Variants in NAV3 observed in about 807,000 individuals in gnomAD.
NAV3 encodes the protein neuron navigator 3, also known as pore membrane and/or filament interacting like protein 1.
In NAV3, 87 loss-of-function variants were observed where a neutral mutation model predicts 244.7. That is an observed-to-expected ratio of 0.36 (90% confidence interval 0.30 to 0.42). The LOEUF (loss-of-function observed/expected upper bound fraction) is 0.42. NAV3 is among the 20% of genes least tolerant of loss of function. The pLI, the probability that NAV3 is intolerant of heterozygous loss-of-function variation, is 1.00. For synonymous variants in NAV3, 1,126 were observed against 1,042.2 expected, an observed-to-expected ratio of 1.08 and a Z score of -1.55; for missense variants, 2,663 against 2,893.3, an observed-to-expected ratio of 0.92 and a Z score of 1.83.
intron 2 of NAV3, among the ~76,000 whole-genome samples, chr12:77,583,613 A>C (rs1241075395): frequency 6.6e-6 from 1 of 152,198 alleles, no homozygotes; most frequent in Non-Finnish European, 1.5e-5. Context: ...CGAAGCACTT[A>C]CCATTTTATG....
In NAV3 at chr12:77,967,677, AT is replaced by A. The variant is rs1313513488; in HGVS notation, c.488-835del. Among the ~76,000 whole-genome samples, 3 of 151,958 alleles carry A rather than the reference AT, an allele frequency of 2.0e-5. No individual in the cohort carries two copies. In the East Asian group the frequency reaches 5.8e-4, roughly 29 times the overall value. On this transcript the variant is annotated intron_variant, in intron 4 of 39. Transcript: ENST00000397909. ...AAGCTTTACATCCTTCTCTTTTCCTATTTTTTTAAGTTATAACTACAGGAGA... is the reference window on the plus strand; with the variant it reads ...AAGCTTTACATCCTTCTCTTTTCCTATTTTTTAAGTTATAACTACAGGAGA...
At chr12:77,937,341 A>G (rs1889418787) in intron 1 of NAV3, among the ~76,000 whole-genome samples, 1 of 152,212 alleles carries the variant, frequency 6.6e-6, no homozygotes, top group Admixed American at 6.5e-5. Flanking sequence ...GGTATTACCA[A>G]CAAGGTATCT....
intron 1 of NAV3, among the ~76,000 whole-genome samples, chr12:77,864,273 C>T (rs1282341319): frequency 6.6e-6 from 1 of 151,854 alleles, no homozygotes; most frequent in Non-Finnish European, 1.5e-5. Context: ...ATCTTCTCAG[C>T]AGTAGGGCCC....
intron 12 of NAV3, among the ~76,000 whole-genome samples, chr12:78,091,122 T>A (rs1429890184): frequency 1.3e-5 from 2 of 152,148 alleles, no homozygotes; most frequent in African/African-American, 4.8e-5. Context: ...TAGACCTGAT[T>A]GCTAACCTAG....
At chr12:78,177,337 G>T (rs1475932572) in intron 27 of NAV3, 24 bp downstream of exon 27, 17 of 1,593,190 alleles carry the variant, frequency 1.1e-5, no homozygotes, top group Non-Finnish European at 1.4e-5. Flanking sequence ...TCTGCAAAAT[G>T]CAGACATATT....
At chr12:78,080,910 A>T (rs758783854) in intron 12 of NAV3, among the ~76,000 whole-genome samples, 17 of 152,218 alleles carry the variant, frequency 1.1e-4, no homozygotes, top group Non-Finnish European at 2.4e-4. Flanking sequence ...TGCATTTGAT[A>T]ATAACAAGTA....
At chr12:77,963,711 C>A (rs1318817570) in intron 3 of NAV3, among the ~76,000 whole-genome samples, 1 of 152,150 alleles carries the variant, frequency 6.6e-6, no homozygotes, top group African/African-American at 2.4e-5. Context: ...TCTTAAATTG[C>A]TGGTCCTCAT....
intron 2 of NAV3, among the ~76,000 whole-genome samples, chr12:77,796,608 T>C (rs1323307479): frequency 6.6e-6 from 1 of 152,196 alleles, no homozygotes; most frequent in Non-Finnish European, 1.5e-5. Context: ...TCAATTAGCA[T>C]TGCATGCTAC....
intron 1 of NAV3, among the ~76,000 whole-genome samples, chr12:77,903,168 C>A (rs1166926489): frequency 6.6e-6 from 1 of 152,006 alleles, no homozygotes; most frequent in African/African-American, 2.4e-5. Context: ...GGAACCAAAA[C>A]AGAGCCCGCA....
chr12:77,925,391 C>T (rs544094770), intron 1 of NAV3, among the ~76,000 whole-genome samples: 7 of 152,228 alleles, frequency 4.6e-5, no homozygotes, highest in African/African-American at 1.7e-4. Flanking sequence ...GAGCAGTCTG[C>T]ATGTTTTCTG....
intron 2 of NAV3, among the ~76,000 whole-genome samples, chr12:77,820,807 T>TG (rs1872709382): frequency 6.6e-6 from 1 of 152,212 alleles, no homozygotes; most frequent in Middle Eastern, 3.2e-3. Context: ...TTTATGTTGC[T>TG]GCCTTTTTAA....
chr12:78,134,853 A>C (rs1210699104), intron 18 of NAV3, among the ~76,000 whole-genome samples: 1 of 152,210 alleles, frequency 6.6e-6, no homozygotes, highest in East Asian at 1.9e-4. Flanking sequence ...ATCTTAATAA[A>C]AGGTTAGTGG....
At chr12:77,774,737 C>T (rs1318162561) in intron 2 of NAV3, among the ~76,000 whole-genome samples, 1 of 152,148 alleles carries the variant, frequency 6.6e-6, no homozygotes, top group African/African-American at 2.4e-5. Context: ...CATTTAAATA[C>T]ATTATAATCT....
chr12:78,039,510 T>G lies in NAV3; in HGVS notation c.2024-10483T>G, dbSNP rs189684330. On this transcript the variant is annotated intron_variant, in intron 9 of 39. Coordinates refer to ENST00000397909, the MANE Select transcript of NAV3 (RefSeq NM_001024383.2). ...TTCATCCAAATCACTACTAGGGCCA[T>G]CCACAAAACTAGAGTTACTTCACAC... Among the ~76,000 whole-genome samples, 4 of 152,198 alleles carry G rather than the reference T, an allele frequency of 2.6e-5. No individual in the cohort carries two copies. In the East Asian group the frequency reaches 7.7e-4, roughly 29 times the overall value.
intron 12 of NAV3, among the ~76,000 whole-genome samples, chr12:78,078,158 C>A (rs1037576290): frequency 3.9e-5 from 6 of 152,074 alleles, no homozygotes; most frequent in African/African-American, 4.8e-5. Context: ...GATTAGGTCC[C>A]ACTCCAATGA....
At chr12:77,952,146 G>A (rs1358064463) in intron 3 of NAV3, among the ~76,000 whole-genome samples, 1 of 150,904 alleles carries the variant, frequency 6.6e-6, no homozygotes, top group Non-Finnish European at 1.5e-5. Flanking sequence ...TGATGATTGT[G>A]TCTTCTGTAA....
At chr12:77,705,980 TTG>T (rs1347012205) in intron 2 of NAV3, among the ~76,000 whole-genome samples, 1 of 151,494 alleles carries the variant, frequency 6.6e-6, no homozygotes, top group Non-Finnish European at 1.5e-5. Context: ...TCCATTGTAG[TTG>T]TGTTTTTCCC....
chr12:77,609,034 C>T (rs950829364), intron 2 of NAV3, among the ~76,000 whole-genome samples: 13 of 152,024 alleles, frequency 8.6e-5, no homozygotes, highest in African/African-American at 3.1e-4. Flanking sequence ...GATTCTCTGC[C>T]TTCTAATACA....
chr12:77,921,701 T>C (rs761913667), intron 1 of NAV3, among the ~76,000 whole-genome samples: 6 of 152,158 alleles, frequency 3.9e-5, no homozygotes, highest in Non-Finnish European at 7.4e-5. Context: ...TTTATGAGGA[T>C]ACAAGGCAGT....
Sources: gnomAD v4.1 joint callset for allele counts (sites outside exome capture counted in the v4.1 genomes callset) on GRCh38, gnomAD v4.1.1 for gene constraint, MANE v1.5 for transcripts, NCBI Gene and HGNC (gene_info 2026-07-23, HGNC 2026-07-21) for gene names.